SENP7: variants seen among roughly 807,000 people sequenced by gnomAD.
SENP7 encodes SUMO specific peptidase 7.
SENP7 carries 64 observed loss-of-function variants against 141.2 expected under a neutral mutation model. That is an observed-to-expected ratio of 0.45 (90% CI 0.37 to 0.56). The LOEUF (loss-of-function observed/expected upper bound fraction) is 0.56. SENP7 is among the 20% of genes least tolerant of loss of function. The pLI is 0.00. For synonymous variants in SENP7, 382 were observed against 426.4 expected (o/e 0.90, Z 1.28); for missense variants, 1,025 against 1,212.2 (o/e 0.85, Z 2.29).
intron 4 of SENP7, among the ~76,000 whole-genome samples, chr3:101,435,220 GTTC>G: frequency 9.6e-6 from 1 of 104,120 alleles, no homozygotes; most frequent in South Asian, 3.1e-4. Context: ...AAATTCAACA[GTTC>G]TTCATAATAA....
chr3:101,347,425 T>G (rs1372572387), intron 13 of SENP7: 2 of 151,734 alleles, frequency 1.3e-5, no homozygotes, highest in African/African-American at 4.8e-5. Context: ...ATCCTAAAAT[T>G]AAGAAACAAA....
At chr3:101,368,550 G>T (rs2060097616) in intron 7 of SENP7, among the ~76,000 whole-genome samples, 2 of 124,004 alleles carry the variant, frequency 1.6e-5, no homozygotes, top group African/African-American at 6.1e-5. Context: ...CGCAGGAAAG[G>T]GAACATCACA....
At chr3:101,492,166 G>A (rs1210165644) in intron 3 of SENP7, among the ~76,000 whole-genome samples, 1 of 152,040 alleles carries the variant, frequency 6.6e-6, no homozygotes, top group African/African-American at 2.4e-5. Flanking sequence ...AGGAGGCTGA[G>A]GTGGGAGGTT....
At position 101,513,132 on chromosome 3, in the gene SENP7, T is replaced by G; in HGVS notation, c.-2A>C. On this transcript the variant is annotated 5_prime_UTR_variant, in exon 1 of 24. Coordinates refer to ENST00000394095, the MANE Select transcript of SENP7 (RefSeq NM_020654.5). Reference sequence around the variant, plus strand: ...TCGCCCGAGCTTTCTCTTGTCCATCTTCTCCCGCTGCTGAAATTTCAGTTG... The same window carrying G: ...TCGCCCGAGCTTTCTCTTGTCCATCGTCTCCCGCTGCTGAAATTTCAGTTG... The G allele has an allele frequency of 6.2e-7, 1 of 1,602,128 alleles. No homozygotes were observed. Among genetic ancestry groups the G allele is most frequent in the Non-Finnish European group, 8.5e-7 (1 of 1,175,472 alleles).
chr3:101,373,871 G>C (rs899158988), intron 6 of SENP7, among the ~76,000 whole-genome samples: 24 of 152,244 alleles, frequency 1.6e-4, no homozygotes, highest in South Asian at 8.3e-4. Context: ...TTCAAACACT[G>C]TTAGCTTCCA....
chr3:101,367,867 T>C lies in SENP7; in HGVS notation c.941A>G (p.Gln314Arg), dbSNP rs771990941. 1.2e-6 allele frequency: 2 copies of C among 1,608,470 alleles called. No individual in the cohort carries two copies. Among genetic ancestry groups the C allele is most frequent in the Admixed American group, 3.3e-5 (2 of 59,936 alleles). ...TGACTTATCCAAAGAAGTACAATAT[T>C]GAGAATCAGGTAAATTATTTCTAAG... ...RRLRNNLPDS[Q>R]YCTSLDKSTE... is the part of the protein sequence containing the mutation. Residue 314 changes from glutamine (Q) to arginine (R), a missense_variant, in exon 8 of 24, where the codon CAA becomes CGA. Physicochemically the swap from Gln to Arg is conservative, Grantham distance 43. This residue lies in a region of SENP7 where 496 missense variants were observed against 503.5 expected (regional missense o/e 0.99). Coordinates refer to ENST00000394095, the MANE Select transcript of SENP7 (RefSeq NM_020654.5).
chr3:101,471,521 C>A (rs1576455785), intron 3 of SENP7, among the ~76,000 whole-genome samples: 2 of 152,020 alleles, frequency 1.3e-5, no homozygotes, highest in Admixed American at 6.6e-5. Flanking sequence ...TTAAAGACTT[C>A]AATGTTAGAC....
rs546041626 is a variant in SENP7, at chr3:101,471,015, T to C, written c.187-11963A>G. On this transcript the variant is annotated intron_variant, in intron 3 of 23. Transcript: ENST00000394095. Reference sequence around the variant, plus strand: ...TGAAATAAAAGAGGACACAAACAAATGGAAGAATATTCCATGCTCATGGAT... The same window carrying C: ...TGAAATAAAAGAGGACACAAACAAACGGAAGAATATTCCATGCTCATGGAT... 2.0e-5 allele frequency among the ~76,000 whole-genome samples: 3 copies of C among 152,246 alleles called. No homozygotes were observed. In the South Asian group the frequency reaches 6.2e-4, roughly 32 times the overall value.
At chr3:101,370,449 A>G (rs2060148352) in intron 7 of SENP7, among the ~76,000 whole-genome samples, 1 of 152,110 alleles carries the variant, frequency 6.6e-6, no homozygotes, top group Non-Finnish European at 1.5e-5. Flanking sequence ...ACCAAACTCC[A>G]TGGATCCATA....
chr3:101,337,624 T>C lies in SENP7; in HGVS notation c.2365A>G (p.Ile789Val). ...AGTTCATCTGATGCCTTCTCCAATA[T>C]AAGATACCTGTAAAGTAGTAACCCC... ...VIIDFYLKYL[I>V]LEKASDELVE... The change falls in exon 17 of 24, where the codon ATA (isoleucine) becomes GTA (valine). Residue 789 changes from isoleucine to valine, a missense_variant. Physicochemically the swap from Ile to Val is conservative, Grantham distance 29. Coordinates refer to ENST00000394095, the MANE Select transcript of SENP7 (RefSeq NM_020654.5). 1 of 1,598,536 alleles carries C rather than the reference T, an allele frequency of 6.3e-7. No homozygotes were observed. The highest frequency in any genetic ancestry group is 8.5e-7 in the Non-Finnish European group (1 of 1,174,218).
chr3:101,367,557 A>T (rs1339818175), intron 8 of SENP7, among the ~76,000 whole-genome samples: 1 of 152,140 alleles, frequency 6.6e-6, no homozygotes, highest in Non-Finnish European at 1.5e-5. Context: ...AAGGATGTAC[A>T]ACTACCTACT....
chr3:101,464,857 T>C (rs552960165), intron 3 of SENP7, among the ~76,000 whole-genome samples: 2 of 151,780 alleles, frequency 1.3e-5, no homozygotes, highest in Admixed American at 1.3e-4. Context: ...TAAAAAGGGG[T>C]AAGTGGATCT....
At chr3:101,481,099 T>C (rs1433135092) in intron 3 of SENP7, among the ~76,000 whole-genome samples, 2 of 131,660 alleles carry the variant, frequency 1.5e-5, no homozygotes, top group African/African-American at 5.7e-5. Context: ...AAACTAAAAA[T>C]AGAACTAACC....
chr3:101,358,517 G>T (rs2059805149), intron 11 of SENP7: 1 of 265,632 alleles, frequency 3.8e-6, no homozygotes, highest in Non-Finnish European at 7.6e-6. Flanking sequence ...CAAATATAAA[G>T]AATGTGACAA....
intron 7 of SENP7, among the ~76,000 whole-genome samples, chr3:101,369,024 T>C (rs2060112361): frequency 6.6e-6 from 1 of 152,198 alleles, no homozygotes; most frequent in Non-Finnish European, 1.5e-5. Context: ...ATTTTAAGTC[T>C]CCAATAAATC....
At chr3:101,478,284 A>T (rs1236909475) in intron 3 of SENP7, among the ~76,000 whole-genome samples, 1 of 152,146 alleles carries the variant, frequency 6.6e-6, no homozygotes, top group Non-Finnish European at 1.5e-5. Flanking sequence ...TTGAAAGGCC[A>T]AGTTGGGAGG....
intron 10 of SENP7, chr3:101,362,998 A>G (rs1405511456): frequency 6.1e-6 from 1 of 165,116 alleles, no homozygotes; most frequent in East Asian, 1.9e-4. Flanking sequence ...CACATTACCA[A>G]ACAGATTACT....
At chr3:101,380,654 A>T (rs1202102512) in intron 6 of SENP7, among the ~76,000 whole-genome samples, 1 of 148,288 alleles carries the variant, frequency 6.7e-6, no homozygotes, top group Non-Finnish European at 1.5e-5. Flanking sequence ...AAAAAAAAAT[A>T]CAAGAAAGGA....
At chr3:101,463,910 C>T (rs750619043) in intron 3 of SENP7, among the ~76,000 whole-genome samples, 6 of 152,192 alleles carry the variant, frequency 3.9e-5, no homozygotes, top group South Asian at 4.1e-4. Context: ...CTGCAACCTC[C>T]GCCTCCCAGG....
Sources: allele counts gnomAD v4.1 joint callset (sites outside exome capture counted in the v4.1 genomes callset), GRCh38; gene constraint gnomAD v4.1.1; regional missense constraint gnomAD v4.1.1; transcripts MANE v1.5; gene names NCBI Gene and HGNC (gene_info 2026-07-23, HGNC 2026-07-21).